The following NOS1AP variants were observed in gnomAD, a reference collection of about 807,000 sequenced individuals.
NOS1AP encodes nitric oxide synthase 1 adaptor protein.
In NOS1AP, 21 loss-of-function variants were observed where a neutral mutation model predicts 56.2. The observed-to-expected ratio is 0.37, with a 90% CI of 0.26 to 0.54. The LOEUF (loss-of-function observed/expected upper bound fraction) is 0.54. Among genes scored for constraint, NOS1AP ranks in the 20% least tolerant of loss-of-function variants. The probability of loss-of-function intolerance (pLI) is 0.84; values close to 1 mark genes in which losing one functional copy is unlikely to be tolerated. For missense variants in NOS1AP, 522 were observed against 657.8 expected (o/e 0.79, Z 2.26); for synonymous variants, 270 against 274.6 (o/e 0.98, Z 0.17).
chr1:162,325,508 T>A (rs1656556906), intron 4 of NOS1AP, among the ~76,000 whole-genome samples: 1 of 152,080 alleles, frequency 6.6e-6, no homozygotes, highest in South Asian at 2.1e-4. Context: ...CTTCTGATAT[T>A]TTCCCCAGTC....
chr1:162,250,126 C>G (rs1183711704), intron 2 of NOS1AP, among the ~76,000 whole-genome samples: 1 of 152,174 alleles, frequency 6.6e-6, no homozygotes, highest in Non-Finnish European at 1.5e-5. Flanking sequence ...TCCCATTTCC[C>G]CTTTCAGGGC....
chr1:162,220,402 TG>T (rs1377981338), intron 2 of NOS1AP, among the ~76,000 whole-genome samples: 3 of 152,112 alleles, frequency 2.0e-5, no homozygotes, highest in African/African-American at 7.2e-5. Context: ...GGGAGGTAGA[TG>T]AACAGTGTCT....
At chr1:162,300,824 C>T in intron 4 of NOS1AP, 118 bp downstream of exon 4, 1 of 800,112 alleles carries the variant, frequency 1.2e-6, no homozygotes, top group Non-Finnish European at 2.2e-6. Context: ...ATGCTTTTCC[C>T]TCCTGAGACC....
chr1:162,208,057 A>G (rs1652219025), intron 2 of NOS1AP, among the ~76,000 whole-genome samples: 1 of 152,192 alleles, frequency 6.6e-6, no homozygotes, highest in Non-Finnish European at 1.5e-5. Flanking sequence ...GGCTTCTGCC[A>G]GCTGGCTATG....
intron 4 of NOS1AP, among the ~76,000 whole-genome samples, chr1:162,314,092 T>C (rs1438687564): frequency 6.6e-6 from 1 of 152,172 alleles, no homozygotes; most frequent in African/African-American, 2.4e-5. Flanking sequence ...AAAATATTCA[T>C]CTCAAAAAGG....
intron 8 of NOS1AP, chr1:162,363,867 G>A (rs1457637604): frequency 2.0e-6 from 2 of 985,424 alleles, no homozygotes; most frequent in East Asian, 2.3e-4. Flanking sequence ...GTCCTTAGCA[G>A]CTTTATGGAG....
intron 1 of NOS1AP, among the ~76,000 whole-genome samples, chr1:162,121,615 G>A (rs1004745666): frequency 3.9e-5 from 6 of 152,094 alleles, no homozygotes; most frequent in Admixed American, 3.9e-4. Context: ...CTCAGGAAGT[G>A]GTAAACTGAG....
At position 162,163,357 on chromosome 1, in the gene NOS1AP, A is replaced by G. The variant is rs545587089; in HGVS notation, c.177+8881A>G. 3.4e-3 allele frequency among the ~76,000 whole-genome samples: 512 copies of G among 152,298 alleles called. 1 individual carries two copies. The highest frequency in any genetic ancestry group is 5.0e-3 in the Non-Finnish European group (341 of 68,024). On this transcript the variant is annotated intron_variant, in intron 2 of 9. Transcript: ENST00000361897. ...CAAATCAATGCTTTCTTAGGGGGCG[A>G]GGTATTCTCATCAATATAAAGAGCA...
chr1:162,249,415 G>A (rs1177524347), intron 2 of NOS1AP, among the ~76,000 whole-genome samples: 1 of 152,172 alleles, frequency 6.6e-6, no homozygotes, highest in Non-Finnish European at 1.5e-5. Context: ...AGAGAATCCT[G>A]AAAGAGGGCA....
intron 1 of NOS1AP, among the ~76,000 whole-genome samples, chr1:162,104,784 A>C (rs1647433688): frequency 6.6e-6 from 1 of 152,080 alleles, no homozygotes; most frequent in Admixed American, 6.6e-5. Flanking sequence ...TAACCTGCCT[A>C]TTGTGGCTAT....
intron 2 of NOS1AP, among the ~76,000 whole-genome samples, chr1:162,228,265 T>C (rs954701640): frequency 6.6e-6 from 1 of 152,232 alleles, no homozygotes; most frequent in South Asian, 2.1e-4. Flanking sequence ...GTTTGTATTA[T>C]ACTAATCCTT....
intron 1 of NOS1AP, among the ~76,000 whole-genome samples, chr1:162,097,522 A>G (rs759656999): frequency 1.3e-5 from 2 of 152,216 alleles, no homozygotes; most frequent in Middle Eastern, 3.4e-3. Flanking sequence ...TGCCTTTCAC[A>G]TTTGCATCTG....
chr1:162,317,416 TAAG>T (rs1196100766), intron 4 of NOS1AP: 1 of 152,334 alleles, frequency 6.6e-6, no homozygotes, highest in African/African-American at 2.4e-5. Flanking sequence ...TATATGTATG[TAAG>T]AAGAATTTTC....
At chr1:162,210,613 G>A (rs1247921683) in intron 2 of NOS1AP, among the ~76,000 whole-genome samples, 1 of 152,160 alleles carries the variant, frequency 6.6e-6, no homozygotes, top group Non-Finnish European at 1.5e-5. Context: ...GTTCCACTCT[G>A]TAATTGACTG....
At chr1:162,215,185 G>A (rs1652523093) in intron 2 of NOS1AP, among the ~76,000 whole-genome samples, 1 of 152,222 alleles carries the variant, frequency 6.6e-6, no homozygotes, top group Admixed American at 6.5e-5. Flanking sequence ...TCCTGTGTGT[G>A]GTGATGCCTG....
intron 1 of NOS1AP, among the ~76,000 whole-genome samples, chr1:162,121,034 G>A (rs541768992): frequency 7.3e-5 from 11 of 150,200 alleles, no homozygotes; most frequent in Non-Finnish European, 1.2e-4. Context: ...AAGTCCTGTC[G>A]AGGCCTATAG....
intron 1 of NOS1AP, among the ~76,000 whole-genome samples, chr1:162,150,887 A>AT (rs1390031866): frequency 6.6e-6 from 1 of 152,016 alleles, no homozygotes; most frequent in East Asian, 1.9e-4. Flanking sequence ...AAGTTTGCAG[A>AT]TTTTTTCTCC....
rs551696758 is a variant in NOS1AP, at chr1:162,316,348, AAG to A, written c.344+15647_344+15648del. On this transcript the variant is annotated intron_variant, in intron 4 of 9. Transcript: ENST00000361897. ...ATGACTTTGTTCAGCTTTGCTCAGG[AAG>A]AGAGCCCAGCACCTCTTGATGTTGT... 7.5e-3 allele frequency among the ~76,000 whole-genome samples: 1,143 copies of A among 152,364 alleles called. 9 individuals carry two copies. Among genetic ancestry groups the A allele is most frequent in the Middle Eastern group, 0.027 (8 of 294 alleles).
At chr1:162,285,381 C>T (rs1655057397) in intron 2 of NOS1AP, among the ~76,000 whole-genome samples, 1 of 152,208 alleles carries the variant, frequency 6.6e-6, no homozygotes, top group Non-Finnish European at 1.5e-5. Flanking sequence ...AGCCGACTTG[C>T]AGATTGTAAT....
Sources: gnomAD v4.1 joint callset for allele counts (sites outside exome capture counted in the v4.1 genomes callset) on GRCh38, gnomAD v4.1.1 for gene constraint, MANE v1.5 for transcripts, NCBI Gene and HGNC (gene_info 2026-07-23, HGNC 2026-07-21) for gene names.